The following NID1 variants were observed in gnomAD, a reference collection of about 807,000 sequenced individuals.
NID1 encodes nidogen-1.
NID1 carries 76 observed loss-of-function variants against 130.6 expected under a neutral mutation model. The ratio of observed to expected loss-of-function variants is 0.58; its 90% CI spans 0.48 to 0.70. The LOEUF is 0.70. Among genes scored for constraint, NID1 ranks in the 30% least tolerant of loss-of-function variants. The probability of loss-of-function intolerance (pLI) is 0.00; values close to 1 mark genes in which losing one functional copy is unlikely to be tolerated. For missense variants in NID1, 1,517 were observed against 1,664.8 expected, an observed-to-expected ratio of 0.91 and a Z score of 1.54; for synonymous variants, 665 against 675.1, an observed-to-expected ratio of 0.98 and a Z score of 0.23.
At position 236,034,983 on chromosome 1, in the gene NID1, TC is replaced by T. The variant is rs202070247; in HGVS notation, c.1286-2332del. 9.9e-4 allele frequency among the ~76,000 whole-genome samples: 111 copies of T among 111,848 alleles called. 1 individual carries two copies. The highest frequency in any genetic ancestry group is 2.9e-3 in the African/African-American group (52 of 17,828). 73.4% of individuals were successfully genotyped at this position (111,848 alleles called of 152,430 possible). Reference sequence around the variant, plus strand: ...TCTCGGCAGAGTTTTCTTTTTTTTTTCTTTCTTTCTTTCTTTTTTTTTATTA... The same window carrying T: ...TCTCGGCAGAGTTTTCTTTTTTTTTTTTTCTTTCTTTCTTTTTTTTTATTA... On this transcript the variant is annotated intron_variant, in intron 5 of 19. Coordinates refer to ENST00000264187, the MANE Select transcript of NID1 (RefSeq NM_002508.3).
chr1:236,013,797 A>C (rs915757317), intron 10 of NID1, among the ~76,000 whole-genome samples: 1 of 151,958 alleles, frequency 6.6e-6, no homozygotes, highest in Non-Finnish European at 1.5e-5. Flanking sequence ...TTGTCATTCC[A>C]CCTGGCTTGA....
chr1:235,996,252 G>A (rs1344246809), intron 12 of NID1, among the ~76,000 whole-genome samples: 1 of 152,204 alleles, frequency 6.6e-6, no homozygotes, highest in African/African-American at 2.4e-5. Context: ...CTGTCAGGGA[G>A]CTCACAGTCT....
rs535325367 is a variant in NID1 at position 235,977,496 on chromosome 1, A to T, written c.*371T>A. ...GGTACCTCAAAGCGAGGCTGAGCTC[A>T]TAAGGCCACAGGGAAGGGTGCAACT... On this transcript the variant is annotated 3_prime_UTR_variant, in exon 20 of 20. Coordinates refer to ENST00000264187, the MANE Select transcript of NID1 (RefSeq NM_002508.3). 2 of 177,988 alleles carry T rather than the reference A, an allele frequency of 1.1e-5. No homozygotes were observed. The highest frequency in any genetic ancestry group is 2.7e-4 in the South Asian group (2 of 7,416). The allele number at this position is 177,988 out of a possible 1,614,324, so 11.0% of individuals were successfully genotyped here. A position where few individuals can be genotyped will look rare whatever the true frequency, so the allele number is the denominator to read the frequency against.
chr1:236,013,290 TG>T, intron 11 of NID1, 120 bp downstream of exon 11: 1 of 1,078,448 alleles, frequency 9.3e-7, no homozygotes, highest in Non-Finnish European at 1.4e-6. Flanking sequence ...ATTTACTCTG[TG>T]GAGATGACAG....
intron 11 of NID1, among the ~76,000 whole-genome samples, chr1:236,012,668 T>C (rs1308374947): frequency 1.3e-5 from 2 of 151,966 alleles, no homozygotes; most frequent in Admixed American, 6.6e-5. Context: ...CTGTCATAAA[T>C]GAGAGCTTCA....
intron 12 of NID1, among the ~76,000 whole-genome samples, chr1:236,001,736 A>G (rs776008776): frequency 3.9e-5 from 6 of 152,190 alleles, no homozygotes; most frequent in African/African-American, 7.2e-5. Flanking sequence ...AGTTAGGAAA[A>G]GGCAAACAAA....
intron 12 of NID1, among the ~76,000 whole-genome samples, chr1:235,994,642 T>A (rs183887345): frequency 4.0e-5 from 6 of 151,628 alleles, no homozygotes; most frequent in African/African-American, 1.2e-4. Flanking sequence ...TTTAAGAAAA[T>A]TTTTTTGTTT....
At chr1:236,064,795 G>T (rs752260302) in intron 1 of NID1, 60 bp downstream of exon 1, 9 of 1,505,602 alleles carry the variant, frequency 6.0e-6, no homozygotes, top group Admixed American at 3.9e-5. Flanking sequence ...CCGGCTCCAC[G>T]GGCGCCCCCG....
intron 12 of NID1, among the ~76,000 whole-genome samples, chr1:235,995,585 T>C (rs964488746): frequency 3.3e-5 from 5 of 152,246 alleles, no homozygotes; most frequent in Non-Finnish European, 5.9e-5. Flanking sequence ...TGCTAAGAGC[T>C]ATACTTCATC....
chr1:236,039,426 A>G (rs967847536), intron 4 of NID1, among the ~76,000 whole-genome samples: 1 of 151,448 alleles, frequency 6.6e-6, no homozygotes, highest in African/African-American at 2.4e-5. Context: ...CCCAACATAC[A>G]CTTTTCCCTG....
In NID1 at chr1:236,042,112, C is replaced by G; in HGVS notation, c.933G>C (p.Thr311=). 6.2e-7 allele frequency: 1 copy of G among 1,614,116 alleles called. No individual in the cohort carries two copies. The highest frequency in any genetic ancestry group is 8.5e-7 in the Non-Finnish European group (1 of 1,180,018). Residue 311 remains threonine, a synonymous_variant, in exon 4 of 20, where the codon ACG becomes ACC. Transcript: ENST00000264187. ...TTCTCAGAGCCTTGTAGGAGAAGGGCGTGGTGCCCACATCCTCCAGGCCCA... is the reference window on the plus strand; with the variant it reads ...TTCTCAGAGCCTTGTAGGAGAAGGGGGTGGTGCCCACATCCTCCAGGCCCA... The part of the protein sequence containing the change: ...TRLGLEDVGT[T]PFSYKALRRG...
At chr1:235,997,711 G>A (rs6677979) in intron 12 of NID1, among the ~76,000 whole-genome samples, 25,122 of 150,808 alleles carry the variant, frequency 0.17, 2,682 homozygotes, top group East Asian at 0.55. Context: ...GGTTCAAGCA[G>A]TTCTCCTGTC....
intron 9 of NID1, among the ~76,000 whole-genome samples, chr1:236,021,819 C>A (rs553129204): frequency 6.6e-6 from 1 of 152,188 alleles, no homozygotes. Context: ...GGACTGACTT[C>A]CCCTTGGCAG....
At position 235,976,581 on chromosome 1, in the gene NID1, A is replaced by G. The variant is rs1657260599; in HGVS notation, c.*1286T>C. On this transcript the variant is annotated 3_prime_UTR_variant, in exon 20 of 20. Coordinates refer to ENST00000264187, the MANE Select transcript of NID1 (RefSeq NM_002508.3). ...CTGAACTTTTCAATCCAAAATTTCTATTGTTTTAGGACTCTGGGAAGCAGT... is the reference window on the plus strand; with the variant it reads ...CTGAACTTTTCAATCCAAAATTTCTGTTGTTTTAGGACTCTGGGAAGCAGT... The G allele has an allele frequency of 6.6e-6, 1 of 152,204 alleles. No homozygotes were observed. The highest frequency in any genetic ancestry group is 2.1e-4 in the South Asian group (1 of 4,818). The allele number at this position is 152,204 out of a possible 1,614,324, so 9.4% of individuals were successfully genotyped here. A position where few individuals can be genotyped will look rare whatever the true frequency, so the allele number is the denominator to read the frequency against.
At chr1:236,044,260 G>A (rs2385058) in intron 3 of NID1, among the ~76,000 whole-genome samples, 74,885 of 151,980 alleles carry the variant, frequency 0.49, 19,152 homozygotes, top group East Asian at 0.68. Flanking sequence ...TAGGAATTTT[G>A]CAAGCCAGTT....
intron 7 of NID1, among the ~76,000 whole-genome samples, chr1:236,028,729 G>A (rs1381943504): frequency 6.6e-6 from 1 of 152,030 alleles, no homozygotes; most frequent in Non-Finnish European, 1.5e-5. Context: ...GAGACAGAGA[G>A]AGAATGGTAA....
At chr1:235,981,843 T>C in intron 15 of NID1, 61 bp from the exon 16 acceptor site, 3 of 1,454,012 alleles carry the variant, frequency 2.1e-6, no homozygotes, top group Non-Finnish European at 2.8e-6. Flanking sequence ...GAGATGAGGT[T>C]TTTCTGAATA....
In NID1 at chr1:235,977,212, G is replaced by T. The variant is rs1657282843; in HGVS notation, c.*655C>A. 1 of 152,138 alleles carries T rather than the reference G, an allele frequency of 6.6e-6. No individual in the cohort carries two copies. The highest frequency in any genetic ancestry group is 2.1e-4 in the South Asian group (1 of 4,830). 9.4% of individuals were successfully genotyped at this position (152,138 alleles called of 1,614,324 possible). A position where few individuals can be genotyped will look rare whatever the true frequency, so the allele number is the denominator to read the frequency against. On this transcript the variant is annotated 3_prime_UTR_variant, in exon 20 of 20. Transcript: ENST00000264187. ...ATTGACATTCTATCTGGGAGGGGCTGCTCATTATCATCCACCAAATGCCCA... is the reference window on the plus strand; with the variant it reads ...ATTGACATTCTATCTGGGAGGGGCTTCTCATTATCATCCACCAAATGCCCA...
chr1:236,023,650 T>TA (rs1205789464), intron 9 of NID1, among the ~76,000 whole-genome samples: 13 of 151,698 alleles, frequency 8.6e-5, no homozygotes, highest in African/African-American at 3.1e-4. Context: ...TTTTTTTTTT[T>TA]AAAAAGGAAC....
Sources: allele counts gnomAD v4.1 joint callset (sites outside exome capture counted in the v4.1 genomes callset), GRCh38; gene constraint gnomAD v4.1.1; transcripts MANE v1.5; gene names NCBI Gene and HGNC (gene_info 2026-07-23, HGNC 2026-07-21).